CNTN2: variants seen among roughly 807,000 people sequenced by gnomAD.
CNTN2 encodes contactin-2.
In CNTN2, 53 loss-of-function variants were observed where a neutral mutation model predicts 117.5. That is an observed-to-expected ratio of 0.45 (90% CI 0.36 to 0.57). The LOEUF is 0.57. Among genes scored for constraint, CNTN2 ranks in the 20% least tolerant of loss-of-function variants. The probability of loss-of-function intolerance (pLI) is 0.00; values close to 1 mark genes in which losing one functional copy is unlikely to be tolerated. For synonymous variants in CNTN2, 530 were observed against 561.7 expected (o/e 0.94, Z 0.80); for missense variants, 1,106 against 1,404.3 (o/e 0.79, Z 3.39).
At chr1:205,055,313 G>A (rs774271767) in intron 2 of CNTN2, among the ~76,000 whole-genome samples, 14 of 152,188 alleles carry the variant, frequency 9.2e-5, no homozygotes, top group Non-Finnish European at 1.9e-4. Flanking sequence ...GTTTTTGCAT[G>A]TGCATGTGTA....
At chr1:205,070,227 T>A (rs1654521598) in intron 18 of CNTN2, 166 bp downstream of exon 18, 1 of 772,154 alleles carries the variant, frequency 1.3e-6, no homozygotes, top group Non-Finnish European at 2.1e-6. Flanking sequence ...TGCTACCTTG[T>A]CTCCCTTCGG....
In CNTN2 at chr1:205,053,317, T is replaced by C. The variant is rs2096456078; in HGVS notation, c.70+62T>C. On this transcript the variant is annotated intron_variant, in intron 2 of 22. Transcript: ENST00000331830. Reference sequence around the variant, plus strand: ...CATGATTATAGTGTTATATCCTTGCTATGATTTGGGTGACGATTACAGAAA... The same window carrying C: ...CATGATTATAGTGTTATATCCTTGCCATGATTTGGGTGACGATTACAGAAA... The C allele has an allele frequency of 3.6e-6, 5 of 1,391,244 alleles. No individual in the cohort carries two copies. The Middle Eastern group carries it at 9.1e-4, about 253-fold the overall frequency. The allele number at this position is 1,391,244 out of a possible 1,614,324, so 86.2% of individuals were successfully genotyped here.
chr1:205,069,875 T>G lies in CNTN2; in HGVS notation c.2245T>G (p.Ser749Ala). 1 of 1,613,822 alleles carries G rather than the reference T, an allele frequency of 6.2e-7. No homozygotes were observed. ...CGGAGACGGCTTCGGCTACCTGCTG[T>G]CCTTCCGCAGGCAGGGCAGCACTCA... The part of the protein sequence containing the change: ...QNGDGFGYLL[S>A]FRRQGSTHWQ... Residue 749 changes from serine (S) to alanine (A), a missense_variant, in exon 18 of 23, where the codon TCC becomes GCC. Coordinates refer to ENST00000331830, the MANE Select transcript of CNTN2 (RefSeq NM_005076.5).
At position 205,053,284 on chromosome 1, in the gene CNTN2, CTAG is replaced by C; in HGVS notation, c.70+30_70+32del. The C allele has an allele frequency of 3.8e-6, 6 of 1,586,154 alleles. No homozygotes were observed. The South Asian group carries it at 5.6e-5, about 15-fold the overall frequency. On this transcript the variant is annotated intron_variant, in intron 2 of 22. Transcript: ENST00000331830. ...AGAGGGCTCATCTGGGCTTTGAAGCCTAGCAGGCATGATTATAGTGTTATATCC... is the reference window on the plus strand; with the variant it reads ...AGAGGGCTCATCTGGGCTTTGAAGCCCAGGCATGATTATAGTGTTATATCC...
intron 2 of CNTN2, 23 bp from the exon 3 acceptor site, chr1:205,057,898 T>A (rs752276135): frequency 2.5e-6 from 4 of 1,609,556 alleles, no homozygotes; most frequent in Non-Finnish European, 3.4e-6. Context: ...CTCTGAGGCA[T>A]CTGGTGGTGT....
intron 1 of CNTN2, among the ~76,000 whole-genome samples, chr1:205,052,227 A>G (rs1256322700): frequency 2.0e-5 from 3 of 152,200 alleles, no homozygotes; most frequent in Non-Finnish European, 4.4e-5. Context: ...CAGGCCCCTG[A>G]CATTCCACAC....
At chr1:205,049,133 G>A (rs3767283) in intron 1 of CNTN2, among the ~76,000 whole-genome samples, 33,230 of 151,772 alleles carry the variant, frequency 0.22, 4,536 homozygotes, top group East Asian at 0.64. Context: ...TCCCTGGGCC[G>A]GATTATTCGT....
At position 205,077,451 on chromosome 1, in the gene CNTN2, C is replaced by A. The variant is rs1654916027; in HGVS notation, c.*3686C>A. 1.3e-5 allele frequency: 2 copies of A among 152,254 alleles called. No individual in the cohort carries two copies. The highest frequency in any genetic ancestry group is 4.8e-5 in the African/African-American group (2 of 41,460). 9.4% of individuals were successfully genotyped at this position (152,254 alleles called of 1,614,324 possible). The stretch of plus-strand genomic sequence containing the variant: ...GTATCCTCAAACCTGTGGCCACTGG[C>A]ATGACAGTGGTGCTCTGTCTCCCTG... On this transcript the variant is annotated 3_prime_UTR_variant, in exon 23 of 23. Coordinates refer to ENST00000331830, the MANE Select transcript of CNTN2 (RefSeq NM_005076.5).
rs1430861101 is a variant in CNTN2 at position 205,061,555 on chromosome 1, T to A, written c.973+135T>A. 1 of 1,088,928 alleles carries A rather than the reference T, an allele frequency of 9.2e-7. No homozygotes were observed. The highest frequency in any genetic ancestry group is 1.3e-6 in the Non-Finnish European group (1 of 781,386). The allele number at this position is 1,088,928 out of a possible 1,614,324, so 67.5% of individuals were successfully genotyped here. The stretch of plus-strand genomic sequence containing the variant: ...TGCATGAGCCTGCTTGCCCTAGGAC[T>A]GCACTGAGTCTGGGACCAGAGGAGG... On this transcript the variant is annotated intron_variant, in intron 8 of 22. Transcript: ENST00000331830. The surrounding 1 kb of genome is among the most constrained non-coding windows in gnomAD (Gnocchi z 4.8).
At chr1:205,064,150 C>T (rs1654140931) in intron 10 of CNTN2, among the ~76,000 whole-genome samples, 172 bp from the exon 11 acceptor site, 1 of 151,870 alleles carries the variant, frequency 6.6e-6, no homozygotes, top group Non-Finnish European at 1.5e-5. Flanking sequence ...GTCAATAGTC[C>T]AGGCGGGAGA....
intron 14 of CNTN2, 164 bp downstream of exon 14, chr1:205,066,073 C>A: frequency 1.2e-6 from 1 of 830,712 alleles, no homozygotes; most frequent in Non-Finnish European, 1.9e-6. Context: ...TTCACAGGTC[C>A]TAAATGATCA....
rs115143667 is a variant in CNTN2, at chr1:205,071,985, G to A, written c.2583G>A (p.Ala861=). ...AAGCTGGGGACAAAGAAGCAGCTGCGGACCGAGTGAGGACAGCAGGGCTGG... is the reference window on the plus strand; with the variant it reads ...AAGCTGGGGACAAAGAAGCAGCTGCAGACCGAGTGAGGACAGCAGGGCTGG... The part of the protein sequence containing the change: ...YWKAGDKEAA[A]DRVRTAGLDT... Residue 861 remains alanine (A), a synonymous_variant, in exon 20 of 23, where the codon GCG becomes GCA. Transcript: ENST00000331830. The A allele has an allele frequency of 6.8e-4, 1,098 of 1,613,798 alleles. 4 individuals carry two copies. In the African/African-American group the frequency reaches 0.012, roughly 18 times the overall value.
intron 1 of CNTN2, among the ~76,000 whole-genome samples, chr1:205,046,939 A>T (rs1251392197): frequency 6.6e-6 from 1 of 152,076 alleles, no homozygotes; most frequent in Non-Finnish European, 1.5e-5. Context: ...TCTCTCTGTT[A>T]GAGTAGGTCT....
chr1:205,072,387 A>T, intron 20 of CNTN2, 96 bp from the exon 21 acceptor site: 2 of 1,075,432 alleles, frequency 1.9e-6, no homozygotes, highest in Non-Finnish European at 2.8e-6. Flanking sequence ...TGTAACTGCT[A>T]GAGGCAAACA....
chr1:205,062,852 T>G (rs1438375093), intron 10 of CNTN2: 1 of 221,206 alleles, frequency 4.5e-6, no homozygotes, highest in Non-Finnish European at 8.8e-6. Flanking sequence ...CAATCAGATT[T>G]GTGTAACCCA....
chr1:205,046,144 AGAGT>A (rs1193756449), intron 1 of CNTN2, among the ~76,000 whole-genome samples: 1 of 152,142 alleles, frequency 6.6e-6, no homozygotes, highest in African/African-American at 2.4e-5. Flanking sequence ...TAACCATCCT[AGAGT>A]AAGTCCTTTC....
intron 9 of CNTN2, 53 bp downstream of exon 9, chr1:205,062,054 G>C: frequency 6.3e-7 from 1 of 1,586,594 alleles, no homozygotes; most frequent in Middle Eastern, 1.7e-4. Context: ...CTGCTCACTT[G>C]GTTCCCTCCC....
At chr1:205,072,357 G>T in intron 20 of CNTN2, 126 bp from the exon 21 acceptor site, 1 of 788,404 alleles carries the variant, frequency 1.3e-6, no homozygotes, top group Non-Finnish European at 1.9e-6. Flanking sequence ...TGTTTCGTGG[G>T]CATGACAGAA....
chr1:205,066,636 G>A (rs752971515), intron 15 of CNTN2, 37 bp downstream of exon 15: 4 of 1,607,978 alleles, frequency 2.5e-6, no homozygotes, highest in Middle Eastern at 1.7e-4. Flanking sequence ...TGCTGATAAG[G>A]CTCGACTGGG....
Sources: gnomAD v4.1 joint callset for allele counts (sites outside exome capture counted in the v4.1 genomes callset) on GRCh38, gnomAD v4.1.1 for gene constraint, Gnocchi (gnomAD v3.1) non-coding constraint, MANE v1.5 for transcripts, NCBI Gene and HGNC (gene_info 2026-07-23, HGNC 2026-07-21) for gene names.